The following RTN1 variants were observed in gnomAD, a reference collection of about 807,000 sequenced individuals.
The protein encoded by RTN1 is reticulon 1.
RTN1 carries 25 observed loss-of-function variants against 65.5 expected under a neutral mutation model. The observed-to-expected ratio is 0.38, with a 90% CI of 0.28 to 0.53. The LOEUF is 0.53. Ranked by LOEUF, RTN1 falls within the 20% of genes least tolerant of loss-of-function variation. The pLI is 0.79. For synonymous variants in RTN1, 471 were observed against 447.6 expected (o/e 1.05, Z -0.66); for missense variants, 983 against 1,025.4 (o/e 0.96, Z 0.57).
At chr14:59,814,010 C>A (rs1182115752) in intron 1 of RTN1, among the ~76,000 whole-genome samples, 1 of 152,138 alleles carries the variant, frequency 6.6e-6, no homozygotes, top group African/African-American at 2.4e-5. Flanking sequence ...TAAATTTTCT[C>A]ATGAAAAAGA....
chr14:59,664,413 C>T (rs1883320831), intron 3 of RTN1, among the ~76,000 whole-genome samples: 1 of 151,984 alleles, frequency 6.6e-6, no homozygotes, highest in Non-Finnish European at 1.5e-5. Context: ...ACGTATATAC[C>T]TATGTAACAA....
intron 1 of RTN1, among the ~76,000 whole-genome samples, chr14:59,841,772 T>A (rs1263993063): frequency 6.9e-6 from 1 of 145,060 alleles, no homozygotes; most frequent in Non-Finnish European, 1.5e-5. Flanking sequence ...GCTTTATAAA[T>A]ATTTACTTAG....
chr14:59,669,468 C>T (rs542078078), intron 3 of RTN1, among the ~76,000 whole-genome samples: 13 of 151,044 alleles, frequency 8.6e-5, no homozygotes, highest in Non-Finnish European at 1.9e-4. Context: ...GGATGGGGGC[C>T]TGGGGGAGGG....
At chr14:59,809,111 C>T (rs1420175658) in intron 1 of RTN1, among the ~76,000 whole-genome samples, 1 of 152,158 alleles carries the variant, frequency 6.6e-6, no homozygotes, top group African/African-American at 2.4e-5. Context: ...AGGCTTATCA[C>T]TAGACTGTCT....
Position 59,870,548 on chromosome 14 carries a change from C to T in RTN1, c.83G>A (p.Gly28Glu). The stretch of plus-strand genomic sequence containing the variant: ...TTTCGGCGTCACCGCTTCGTTCTCC[C>T]CCTCCCCCCGGTGCCTGAGCCACTG... The part of the protein sequence containing the change: ...GSQWLRHRGE[G>E]ENEAVTPKGA... Residue 28 changes from glycine (G) to glutamate (E), a missense_variant, in exon 1 of 9, where the codon GGG becomes GAG. This residue lies in a region of RTN1 where 818 missense variants were observed against 801.8 expected (regional missense o/e 1.02). Coordinates refer to ENST00000267484, the MANE Select transcript of RTN1 (RefSeq NM_021136.3). The surrounding 1 kb of genome is among the most constrained non-coding windows in gnomAD (Gnocchi z 5.1). 2.1e-6 allele frequency: 3 copies of T among 1,458,354 alleles called. No individual in the cohort carries two copies. The highest frequency in any genetic ancestry group is 2.7e-6 in the Non-Finnish European group (3 of 1,110,862). The allele number at this position is 1,458,354 out of a possible 1,614,324, so 90.3% of individuals were successfully genotyped here.
At position 59,671,902 on chromosome 14, in the gene RTN1, C is replaced by T. The variant is rs963956434; in HGVS notation, c.1765+55017G>A. Among the ~76,000 whole-genome samples, 5 of 152,198 alleles carry T rather than the reference C, an allele frequency of 3.3e-5. No individual in the cohort carries two copies. The East Asian group carries it at 7.7e-4, about 23-fold the overall frequency. ...TGTCTTGTTTGGTCTTTGGCTACTTCCCACAAAACAAAAACAAGAAAGCCT... is the reference window on the plus strand; with the variant it reads ...TGTCTTGTTTGGTCTTTGGCTACTTTCCACAAAACAAAAACAAGAAAGCCT... On this transcript the variant is annotated intron_variant, in intron 3 of 8. Transcript: ENST00000267484.
At chr14:59,645,550 A>C (rs1302103860) in intron 3 of RTN1, among the ~76,000 whole-genome samples, 1 of 152,120 alleles carries the variant, frequency 6.6e-6, no homozygotes, top group Admixed American at 6.5e-5. Flanking sequence ...AGCCAGTAGC[A>C]GTTCTTCAGC....
chr14:59,749,915 C>T (rs1186186821), intron 1 of RTN1, among the ~76,000 whole-genome samples: 24 of 108,344 alleles, frequency 2.2e-4, no homozygotes, highest in African/African-American at 8.5e-4. Context: ...TGGGAATCAA[C>T]CTCTTCCTCC....
At chr14:59,627,496 A>G (rs981586874) in intron 3 of RTN1, among the ~76,000 whole-genome samples, 3 of 152,240 alleles carry the variant, frequency 2.0e-5, no homozygotes, top group Non-Finnish European at 2.9e-5. Flanking sequence ...AAATTGTAGG[A>G]TGGTACTGAT....
rs1455002241 is a variant in RTN1 at position 59,749,370 on chromosome 14, C to A, written c.242-2889G>T. Among the ~76,000 whole-genome samples the A allele has an allele frequency of 4.6e-4, 14 of 30,326 alleles. 1 individual carries two copies. The highest frequency in any genetic ancestry group is 9.0e-4 in the African/African-American group (4 of 4,468). The allele number at this position is 30,326 out of a possible 152,430, so 19.9% of individuals were successfully genotyped here. A position where few individuals can be genotyped will look rare whatever the true frequency, so the allele number is the denominator to read the frequency against. The stretch of plus-strand genomic sequence containing the variant: ...TATCTATATATATCTATATATATAT[C>A]TATATATCTATATCTATATATATCT... On this transcript the variant is annotated intron_variant, in intron 1 of 8. Coordinates refer to ENST00000267484, the MANE Select transcript of RTN1 (RefSeq NM_021136.3).
intron 1 of RTN1, among the ~76,000 whole-genome samples, chr14:59,769,578 G>A (rs751404556): frequency 5.3e-5 from 8 of 152,206 alleles, no homozygotes; most frequent in Non-Finnish European, 8.8e-5. Flanking sequence ...TGAGAAAGTA[G>A]AAAACTGAAA....
chr14:59,776,589 G>T (rs1189449431), intron 1 of RTN1, among the ~76,000 whole-genome samples: 1 of 152,130 alleles, frequency 6.6e-6, no homozygotes, highest in Non-Finnish European at 1.5e-5. Flanking sequence ...TGTTCATCTT[G>T]AAAGTGTTTG....
chr14:59,624,425 T>G (rs1236727442), intron 3 of RTN1, among the ~76,000 whole-genome samples: 1 of 152,050 alleles, frequency 6.6e-6, no homozygotes, highest in Non-Finnish European at 1.5e-5. Flanking sequence ...AGCTTAATTA[T>G]AAGGCAGCCA....
chr14:59,839,184 TA>T (rs560935735), intron 1 of RTN1, among the ~76,000 whole-genome samples: 98 of 152,312 alleles, frequency 6.4e-4, no homozygotes, highest in African/African-American at 1.3e-3. Context: ...ATCTTTAGGA[TA>T]TTTTTTTGCT....
At chr14:59,683,714 C>G (rs1883788671) in intron 3 of RTN1, among the ~76,000 whole-genome samples, 3 of 152,064 alleles carry the variant, frequency 2.0e-5, no homozygotes, top group South Asian at 4.1e-4. Flanking sequence ...GCTTCTTTCT[C>G]TTGCTTTAGA....
At chr14:59,800,225 C>A (rs1018193120) in intron 1 of RTN1, among the ~76,000 whole-genome samples, 1 of 152,154 alleles carries the variant, frequency 6.6e-6, no homozygotes, top group African/African-American at 2.4e-5. Flanking sequence ...AACAAAATCC[C>A]AGCCTAATTC....
At chr14:59,696,936 T>C (rs192237810) in intron 3 of RTN1, among the ~76,000 whole-genome samples, 55 of 152,270 alleles carry the variant, frequency 3.6e-4, no homozygotes, top group African/African-American at 1.3e-3. Flanking sequence ...ATTTTAAATG[T>C]AGTCAGCCAT....
intron 1 of RTN1, among the ~76,000 whole-genome samples, chr14:59,830,999 A>G (rs901841445): frequency 6.6e-6 from 1 of 152,214 alleles, no homozygotes; most frequent in South Asian, 2.1e-4. Flanking sequence ...TCCCAATGAG[A>G]ATGAGTTTAA....
intron 1 of RTN1, among the ~76,000 whole-genome samples, chr14:59,800,022 T>C (rs1886510701): frequency 6.6e-6 from 1 of 152,056 alleles, no homozygotes; most frequent in Non-Finnish European, 1.5e-5. Context: ...GCAAAATTAA[T>C]TTACTGGTGA....
Sources: gnomAD v4.1 joint callset for allele counts (sites outside exome capture counted in the v4.1 genomes callset) on GRCh38, gnomAD v4.1.1 for gene constraint, gnomAD v4.1.1 regional missense constraint, Gnocchi (gnomAD v3.1) non-coding constraint, MANE v1.5 for transcripts, NCBI Gene and HGNC (gene_info 2026-07-23, HGNC 2026-07-21) for gene names.